Variants in GSE1 observed in about 807,000 individuals in gnomAD.
GSE1 encodes genetic suppressor element 1.
A neutral mutation model predicts 112.6 loss-of-function variants in GSE1; 32 were observed. The ratio of observed to expected loss-of-function variants is 0.28; its 90% CI spans 0.21 to 0.38. The LOEUF (loss-of-function observed/expected upper bound fraction) is 0.38. Among genes scored for constraint, GSE1 ranks in the 10% least tolerant of loss-of-function variants. The probability of loss-of-function intolerance (pLI) is 1.00; values close to 1 mark genes in which losing one functional copy is unlikely to be tolerated. For synonymous variants in GSE1, 1,115 were observed against 735.6 expected, an observed-to-expected ratio of 1.52 and a Z score of -8.35; for missense variants, 2,348 against 1,699.2, an observed-to-expected ratio of 1.38 and a Z score of -6.71.
At chr16:85,220,388 C>T (rs763279003) in intron 1 of GSE1, among the ~76,000 whole-genome samples, 4 of 152,314 alleles carry the variant, frequency 2.6e-5, no homozygotes, top group East Asian at 3.9e-4. Context: ...GAGCGGGCGG[C>T]GGCGCAGATG....
intron 1 of GSE1, among the ~76,000 whole-genome samples, chr16:85,191,224 CACTGCAGCCTGGGCA>C (rs1383856535): frequency 2.0e-5 from 3 of 152,184 alleles, no homozygotes; most frequent in African/African-American, 2.4e-5. Context: ...TGCACCACTG[CACTGCAGCCTGGGCA>C]ACAGAGCCAG....
chr16:85,169,945 G>T, exon 1 of GSE1: 3 of 984,586 alleles, frequency 3.0e-6, no homozygotes, highest in Non-Finnish European at 3.6e-6. Flanking sequence ...GTGGAACGTC[G>T]CCTACGCGCT....
At chr16:85,273,685 G>T (rs1191380646) in intron 1 of GSE1, among the ~76,000 whole-genome samples, 1 of 151,880 alleles carries the variant, frequency 6.6e-6, no homozygotes, top group Non-Finnish European at 1.5e-5. Flanking sequence ...ATGGGCATGG[G>T]GTCTCCTTTT....
chr16:85,256,610 T>G (rs1050025309), intron 1 of GSE1, among the ~76,000 whole-genome samples: 7 of 152,246 alleles, frequency 4.6e-5, no homozygotes, highest in Non-Finnish European at 8.8e-5. Context: ...TGTATTTCCA[T>G]CCGGGACCCC....
chr16:85,654,909 C>T lies in GSE1; in HGVS notation c.715C>T (p.Leu239Phe), dbSNP rs1426221103. 3.7e-6 allele frequency: 6 copies of T among 1,611,846 alleles called. No individual in the cohort carries two copies. The highest frequency in any genetic ancestry group is 4.2e-6 in the Non-Finnish European group (5 of 1,179,598). The change falls in exon 5 of 16, where the codon CTC (leucine) becomes TTC (phenylalanine). Residue 239 changes from leucine (L) to phenylalanine (F), a missense_variant. By Grantham distance (22) the Leu-to-Phe change is conservative. Transcript: ENST00000253458. ...CCTCCGCATGTCCTCACTGCCTCCC[C>T]TCGGCCTGGACCCGGCCACTGCTGC... The part of the protein sequence containing the change: ...DDLRMSSLPP[L>F]GLDPATAAAY...
intron 1 of GSE1, among the ~76,000 whole-genome samples, chr16:85,199,439 A>G (rs1352988141): frequency 6.6e-6 from 1 of 152,192 alleles, no homozygotes; most frequent in Admixed American, 6.5e-5. Context: ...CTTCTGACCA[A>G]AAGACTTGAA....
intron 1 of GSE1, among the ~76,000 whole-genome samples, chr16:85,190,104 C>T (rs984492319): frequency 1.3e-5 from 2 of 152,174 alleles, no homozygotes; most frequent in East Asian, 3.9e-4. Flanking sequence ...GGTCTAAGGG[C>T]ACACTTCCCA....
At chr16:85,545,875 C>T (rs1013728679) in intron 2 of GSE1, among the ~76,000 whole-genome samples, 5 of 152,204 alleles carry the variant, frequency 3.3e-5, no homozygotes, top group African/African-American at 7.2e-5. Context: ...CTCCGCCTCC[C>T]GGGTTCACGC....
At position 85,419,722 on chromosome 16, in the gene GSE1, G is replaced by A. The variant is rs1228914172; in HGVS notation, c.2464+62079G>A. Reference sequence around the variant, plus strand: ...GGTGAATGCACGTTGGAATCAGCTGGGGATCTCTAAAAACCCCTCTGATGC... The same window carrying A: ...GGTGAATGCACGTTGGAATCAGCTGAGGATCTCTAAAAACCCCTCTGATGC... On this transcript the variant is annotated intron_variant, in intron 2 of 2. Coordinates refer to the GSE1 transcript ENST00000637419. The surrounding 1 kb of genome is among the most constrained non-coding windows in gnomAD (Gnocchi z 6.5). Among the ~76,000 whole-genome samples, 1 of 152,164 alleles carries A rather than the reference G, an allele frequency of 6.6e-6. No individual in the cohort carries two copies. The highest frequency in any genetic ancestry group is 1.5e-5 in the Non-Finnish European group (1 of 68,026).
chr16:85,340,068 C>T (rs2046591844), intron 1 of GSE1, among the ~76,000 whole-genome samples: 1 of 151,950 alleles, frequency 6.6e-6, no homozygotes, highest in Non-Finnish European at 1.5e-5. Context: ...GAATCTCAGT[C>T]GATAAAGGTG....
At chr16:85,362,209 G>A (rs2047097106) in intron 2 of GSE1, among the ~76,000 whole-genome samples, 1 of 152,238 alleles carries the variant, frequency 6.6e-6, no homozygotes, top group African/African-American at 2.4e-5. Context: ...TGTGATGGAT[G>A]TCCTTCCCTC....
At chr16:85,567,284 A>T (rs909561192) in intron 1 of GSE1, among the ~76,000 whole-genome samples, 2 of 152,190 alleles carry the variant, frequency 1.3e-5, no homozygotes, top group African/African-American at 4.8e-5. Context: ...GTGTGTGGTC[A>T]TAAAACATCG....
At chr16:85,468,140 G>T (rs1456794903) in intron 2 of GSE1, among the ~76,000 whole-genome samples, 2 of 151,686 alleles carry the variant, frequency 1.3e-5, no homozygotes, top group Non-Finnish European at 2.9e-5. Context: ...CCACCTTTTG[G>T]GTCTCAGGTG....
intron 2 of GSE1, among the ~76,000 whole-genome samples, chr16:85,383,272 A>C (rs566799482): frequency 2.0e-5 from 3 of 151,502 alleles, no homozygotes; most frequent in African/African-American, 7.3e-5. Flanking sequence ...GAGCATACAC[A>C]CAGTTCCCAG....
intron 1 of GSE1, among the ~76,000 whole-genome samples, chr16:85,197,737 C>T (rs1389022959): frequency 1.3e-5 from 2 of 152,212 alleles, no homozygotes; most frequent in African/African-American, 2.4e-5. Context: ...GCAACTTCAT[C>T]TGCCTGCCCC....
chr16:85,439,487 G>A (rs908334083), intron 2 of GSE1, among the ~76,000 whole-genome samples: 2 of 152,176 alleles, frequency 1.3e-5, no homozygotes, highest in Non-Finnish European at 2.9e-5. Context: ...GAGGTAGAGG[G>A]TGTACTTTGT....
At chr16:85,532,325 A>G (rs2044164176) in intron 2 of GSE1, among the ~76,000 whole-genome samples, 1 of 152,130 alleles carries the variant, frequency 6.6e-6, no homozygotes, top group Non-Finnish European at 1.5e-5. Context: ...TTGTGGTACA[A>G]TCATGGCTCA....
intron 1 of GSE1, among the ~76,000 whole-genome samples, chr16:85,561,422 G>A (rs915517653): frequency 6.6e-6 from 1 of 152,052 alleles, no homozygotes; most frequent in Admixed American, 6.6e-5. Flanking sequence ...CGCCCTCCGA[G>A]CCCCTTATCT....
At chr16:85,332,737 C>T (rs1007627943) in intron 1 of GSE1, among the ~76,000 whole-genome samples, 7 of 152,132 alleles carry the variant, frequency 4.6e-5, no homozygotes, top group African/African-American at 9.7e-5. Context: ...AACACCAGTT[C>T]GGCCTCTTCC....
Sources: allele counts gnomAD v4.1 joint callset (sites outside exome capture counted in the v4.1 genomes callset), GRCh38; gene constraint gnomAD v4.1.1; non-coding constraint Gnocchi (gnomAD v3.1); transcripts MANE v1.5; gene names NCBI Gene and HGNC (gene_info 2026-07-23, HGNC 2026-07-21).